TACC2: variants seen among roughly 807,000 people sequenced by gnomAD.
TACC2 encodes transforming acidic coiled-coil-containing protein 2.
TACC2 carries 137 observed loss-of-function variants against 227.3 expected under a neutral mutation model. The ratio of observed to expected loss-of-function variants is 0.60; its 90% CI spans 0.52 to 0.69. The LOEUF (loss-of-function observed/expected upper bound fraction) is 0.69. Ranked by LOEUF, TACC2 falls within the 30% of genes least tolerant of loss-of-function variation. The pLI, the probability that TACC2 is intolerant of heterozygous loss-of-function variation, is 0.00. For synonymous variants in TACC2, 1,523 were observed against 1,487.5 expected, an observed-to-expected ratio of 1.02 and a Z score of -0.55; for missense variants, 3,470 against 3,694.4, an observed-to-expected ratio of 0.94 and a Z score of 1.57.
At chr10:122,251,744 T>A (rs2096259312) in intron 22 of TACC2, among the ~76,000 whole-genome samples, 1 of 152,202 alleles carries the variant, frequency 6.6e-6, no homozygotes, top group African/African-American at 2.4e-5. Flanking sequence ...TACTTCACAG[T>A]CATTTTGGCT....
In TACC2 at chr10:122,082,882, G is replaced by A; in HGVS notation, c.382G>A (p.Ala128Thr). Reference sequence around the variant, plus strand: ...AGGTTGCTTGGCAAGTCCAGCAGCGGCACCTGAAGATGGTCCTCAGACTCA... The same window carrying A: ...AGGTTGCTTGGCAAGTCCAGCAGCGACACCTGAAGATGGTCCTCAGACTCA... Reference protein sequence around the residue: ...PEGCLASPAAAPEDGPQTQSP... With the variant: ...PEGCLASPAATPEDGPQTQSP... Residue 128 changes from alanine (A) to threonine (T), a missense_variant, in exon 4 of 23, where the codon GCA becomes ACA. Physicochemically the swap from Ala to Thr is moderately conservative, Grantham distance 58. Around this residue, in one of 10 missense-constraint regions of TACC2, gnomAD observed 405 missense variants for 389.6 expected, o/e 1.04. Coordinates refer to ENST00000369005, the MANE Select transcript of TACC2 (RefSeq NM_206862.4). 6.2e-7 allele frequency: 1 copy of A among 1,613,352 alleles called. No homozygotes were observed. Among genetic ancestry groups the A allele is most frequent in the Non-Finnish European group, 8.5e-7 (1 of 1,180,028 alleles).
intron 14 of TACC2, among the ~76,000 whole-genome samples, 154 bp downstream of exon 14, chr10:122,228,162 A>C (rs1285368128): frequency 6.6e-6 from 1 of 152,216 alleles, no homozygotes; most frequent in East Asian, 1.9e-4. Flanking sequence ...AACCTGGGAA[A>C]TCCCATACCA....
intron 7 of TACC2, among the ~76,000 whole-genome samples, chr10:122,176,498 T>C (rs2093725623): frequency 6.6e-6 from 1 of 152,174 alleles, no homozygotes; most frequent in Admixed American, 6.5e-5. Flanking sequence ...TGTGAGGGAC[T>C]AGGGGACTCA....
Position 122,085,288 on chromosome 10 carries a change from G to A in TACC2, c.2788G>A (p.Glu930Lys). The change falls in exon 4 of 23, where the codon GAG (glutamate) becomes AAG (lysine). Residue 930 changes from glutamate to lysine, a missense_variant. By Grantham distance (56) the Glu-to-Lys change is moderately conservative. Around this residue, in one of 10 missense-constraint regions of TACC2, gnomAD observed 1,924 missense variants for 1,978.3 expected, o/e 0.97. Transcript: ENST00000369005. ...DMVWESSLTE[E>K]SELSAPTRQK... The stretch of plus-strand genomic sequence containing the variant: ...GGTTTGGGAGAGTTCTCTGACAGAA[G>A]AGTCAGAATTGTCAGCACCAACGAG... The A allele has an allele frequency of 6.2e-7, 1 of 1,614,080 alleles. No individual in the cohort carries two copies. Among genetic ancestry groups the A allele is most frequent in the Middle Eastern group, 1.6e-4 (1 of 6,062 alleles).
At chr10:122,226,511 A>G (rs1389497457) in intron 13 of TACC2, 30 bp downstream of exon 13, 1 of 1,484,026 alleles carries the variant, frequency 6.7e-7, no homozygotes, top group East Asian at 2.3e-5. Flanking sequence ...AGAGTTACAC[A>G]TCATGCTGGA....
rs2096006223 is a variant in TACC2 at position 122,241,975 on chromosome 10, A to G, written c.8366A>G (p.Tyr2789Cys). The change falls in exon 19 of 23, where the codon TAT (tyrosine) becomes TGT (cysteine). Residue 2789 changes from tyrosine to cysteine, a missense_variant. Tyr to Cys is a radical substitution (Grantham distance 194). Coordinates refer to ENST00000369005, the MANE Select transcript of TACC2 (RefSeq NM_206862.4). ...VMEMRKIVAEYEKTIAQMIED... is the reference protein window; with the variant it reads ...VMEMRKIVAECEKTIAQMIED... Reference sequence around the variant, plus strand: ...TCTTATAGGAAAATAGTGGCCGAGTATGAGAAGACCATCGCTCAGATGATA... The same window carrying G: ...TCTTATAGGAAAATAGTGGCCGAGTGTGAGAAGACCATCGCTCAGATGATA... The G allele has an allele frequency of 6.2e-7, 1 of 1,614,234 alleles. No individual in the cohort carries two copies. The highest frequency in any genetic ancestry group is 1.1e-5 in the South Asian group (1 of 91,086).
rs574252971 is a variant in TACC2, at chr10:121,995,480, G to T, written c.-46+5992G>T. Among the ~76,000 whole-genome samples the T allele has an allele frequency of 6.6e-4, 101 of 152,176 alleles. 1 individual carries two copies. The highest frequency in any genetic ancestry group is 3.2e-4 in the Non-Finnish European group (22 of 68,030). ...TTATAATCTATTGTGTAATATCTGC[G>T]TATGTGTGTATACAGGGGGCAAAAC... is the stretch of plus-strand genomic sequence containing the variant. On this transcript the variant is annotated intron_variant, in intron 1 of 22. Coordinates refer to ENST00000369005, the MANE Select transcript of TACC2 (RefSeq NM_206862.4).
At chr10:122,228,815 ATC>A (rs1166964762) in intron 14 of TACC2, among the ~76,000 whole-genome samples, 1 of 152,072 alleles carries the variant, frequency 6.6e-6, no homozygotes, top group East Asian at 1.9e-4. Flanking sequence ...ATGTGAATCA[ATC>A]TCTCACATGA....
At chr10:122,211,813 C>G in intron 9 of TACC2, 105 bp downstream of exon 9, 1 of 1,005,352 alleles carries the variant, frequency 9.9e-7, no homozygotes, top group Non-Finnish European at 1.4e-6. Context: ...AACCTTGCCC[C>G]TGGGTGCTGT....
intron 22 of TACC2, among the ~76,000 whole-genome samples, chr10:122,251,770 C>T (rs2096259907): frequency 6.6e-6 from 1 of 152,210 alleles, no homozygotes; most frequent in African/African-American, 2.4e-5. Context: ...AGCAGTTGAA[C>T]ATACAATGTT....
At chr10:122,250,069 A>G (rs2096221980) in intron 22 of TACC2, among the ~76,000 whole-genome samples, 1 of 152,218 alleles carries the variant, frequency 6.6e-6, no homozygotes. Flanking sequence ...GAGCAGTGTC[A>G]GGGCTGGAAG....
At position 122,210,845 on chromosome 10, in the gene TACC2, C is replaced by T; in HGVS notation, c.6420C>T (p.Thr2140=). The T allele has an allele frequency of 1.2e-6, 2 of 1,611,930 alleles. No individual in the cohort carries two copies. Among genetic ancestry groups the T allele is most frequent in the Non-Finnish European group, 1.7e-6 (2 of 1,179,566 alleles). ...CGCCTTCCTTAAAAAAGAAACAGAC[C>T]ACCAAGAAACCCACAGAGACCCCCC... ...PRPPSLKKKQ[T]TKKPTETPPV... The change falls in exon 9 of 23, where the codon ACC becomes ACT. Residue 2140 remains threonine, a synonymous_variant. Coordinates refer to ENST00000369005, the MANE Select transcript of TACC2 (RefSeq NM_206862.4). This position sits in a 1 kb window ranked among gnomAD's most constrained non-coding sequence, Gnocchi z 4.6.
rs532151130 is a variant in TACC2 at position 122,218,013 on chromosome 10, C to T, written c.7546+1185C>T. On this transcript the variant is annotated intron_variant, in intron 11 of 22. Transcript: ENST00000369005. The stretch of plus-strand genomic sequence containing the variant: ...AGGCTGGAGTGCAATGATGTGATCT[C>T]GGCTCACTGCAACCTCCGCCTCCTG... Among the ~76,000 whole-genome samples, 4 of 151,430 alleles carry T rather than the reference C, an allele frequency of 2.6e-5. No individual in the cohort carries two copies. In the East Asian group the frequency reaches 5.9e-4, roughly 22 times the overall value.
At position 122,086,800 on chromosome 10, in the gene TACC2, G is replaced by T. The variant is rs1386136050; in HGVS notation, c.4300G>T (p.Gly1434Trp). The T allele has an allele frequency of 6.2e-7, 1 of 1,613,880 alleles. No homozygotes were observed. The highest frequency in any genetic ancestry group is 1.7e-5 in the Admixed American group (1 of 59,998). The change falls in exon 4 of 23, where the codon GGG becomes TGG. Residue 1434 changes from glycine (G) to tryptophan (W), a missense_variant. Physicochemically the swap from Gly to Trp is radical, Grantham distance 184. Coordinates refer to ENST00000369005, the MANE Select transcript of TACC2 (RefSeq NM_206862.4). ...CACACCTGGAGAAAAGGCAGGAGCT[G>T]GGAGGAGTGCAGTGGGTAAAGACCT... Reference protein sequence around the residue: ...LATPGEKAGAGRSAVGKDLTR... With the variant: ...LATPGEKAGAWRSAVGKDLTR...
At chr10:122,166,336 A>C (rs767665544) in intron 7 of TACC2, among the ~76,000 whole-genome samples, 3 of 152,068 alleles carry the variant, frequency 2.0e-5, no homozygotes, top group Non-Finnish European at 2.9e-5. Flanking sequence ...TTTCCTTCCA[A>C]TTGCAGGTTT....
At chr10:122,133,724 T>C (rs2088893619) in intron 6 of TACC2, among the ~76,000 whole-genome samples, 1 of 152,168 alleles carries the variant, frequency 6.6e-6, no homozygotes, top group Non-Finnish European at 1.5e-5. Flanking sequence ...GAGAGAAGCC[T>C]GCATCTGAAT....
chr10:122,076,558 T>C (rs920768631), intron 3 of TACC2, among the ~76,000 whole-genome samples: 1 of 152,206 alleles, frequency 6.6e-6, no homozygotes, highest in Non-Finnish European at 1.5e-5. Context: ...ATTATAGTAA[T>C]TTATGAAAAT....
chr10:122,168,646 C>T (rs1003743406), intron 7 of TACC2, among the ~76,000 whole-genome samples: 6 of 152,160 alleles, frequency 3.9e-5, no homozygotes, highest in Non-Finnish European at 7.3e-5. Flanking sequence ...ACAGGGTACC[C>T]TGTCGAGGAT....
intron 5 of TACC2, among the ~76,000 whole-genome samples, chr10:122,097,984 GACACGCTGGGT>G (rs966648197): frequency 1.3e-5 from 2 of 152,214 alleles, no homozygotes; most frequent in East Asian, 3.9e-4. Context: ...GGGCTTTCAG[GACACGCTGGGT>G]ACACGCTCCT....
Sources: gnomAD v4.1 joint callset for allele counts (sites outside exome capture counted in the v4.1 genomes callset) on GRCh38, gnomAD v4.1.1 for gene constraint, gnomAD v4.1.1 regional missense constraint, Gnocchi (gnomAD v3.1) non-coding constraint, MANE v1.5 for transcripts, NCBI Gene and HGNC (gene_info 2026-07-23, HGNC 2026-07-21) for gene names.